The following TAFA5 variants were observed in gnomAD, a reference collection of about 807,000 sequenced individuals.
TAFA5 encodes the protein chemokine-like protein TAFA-5.
In TAFA5, 6 loss-of-function variants were observed where a neutral mutation model predicts 15.3. The ratio of observed to expected loss-of-function variants is 0.39; its 90% CI spans 0.21 to 0.77. TAFA5 has a LOEUF of 0.77. Among genes scored for constraint, TAFA5 ranks in the 30% least tolerant of loss-of-function variants. TAFA5 has a pLI of 0.41. For synonymous variants in TAFA5, 103 were observed against 80.7 expected (o/e 1.28, Z -1.48); for missense variants, 161 against 193.1 (o/e 0.83, Z 0.98).
rs1020086787 is a variant in TAFA5 at position 48,560,734 on chromosome 22, G to A, written c.112+71030G>A. Reference sequence around the variant, plus strand: ...AGCAATTCTCCCGCCTCAGCTTCCTGAGTAGCTGGGATTACAGGTGCTCAA... The same window carrying A: ...AGCAATTCTCCCGCCTCAGCTTCCTAAGTAGCTGGGATTACAGGTGCTCAA... On this transcript the variant is annotated intron_variant, in intron 1 of 3. Coordinates refer to ENST00000402357, the MANE Select transcript of TAFA5 (RefSeq NM_001082967.3). This position sits in a 1 kb window ranked among gnomAD's most constrained non-coding sequence, Gnocchi z 4.2. Among the ~76,000 whole-genome samples, 1 of 152,008 alleles carries A rather than the reference G, an allele frequency of 6.6e-6. No homozygotes were observed. Among genetic ancestry groups the A allele is most frequent in the Admixed American group, 6.6e-5 (1 of 15,256 alleles).
chr22:48,746,782 A>G (rs1930340580), intron 3 of TAFA5, among the ~76,000 whole-genome samples: 1 of 152,172 alleles, frequency 6.6e-6, no homozygotes, highest in Admixed American at 6.5e-5. Flanking sequence ...GTCACCTGTC[A>G]TCAGGGTGGA....
At chr22:48,579,654 A>G (rs1442352519) in intron 1 of TAFA5, among the ~76,000 whole-genome samples, 3 of 152,256 alleles carry the variant, frequency 2.0e-5, no homozygotes, top group Non-Finnish European at 4.4e-5. Flanking sequence ...TCCCTCTTCC[A>G]AAGACTTTAC....
intron 1 of TAFA5, among the ~76,000 whole-genome samples, chr22:48,496,999 G>A (rs868707977): frequency 1.3e-5 from 2 of 152,216 alleles, no homozygotes; most frequent in Non-Finnish European, 2.9e-5. Flanking sequence ...GGAGCTGCTG[G>A]ACTGGAGGCC....
chr22:48,614,008 G>C (rs1434696149), intron 1 of TAFA5, among the ~76,000 whole-genome samples: 1 of 152,188 alleles, frequency 6.6e-6, no homozygotes, highest in Non-Finnish European at 1.5e-5. Context: ...AGCCGCTCGC[G>C]AGCATGTGGG....
chr22:48,683,398 T>C (rs1167065854), intron 2 of TAFA5, among the ~76,000 whole-genome samples: 1 of 152,172 alleles, frequency 6.6e-6, no homozygotes, highest in Non-Finnish European at 1.5e-5. Context: ...TTCATCAGCC[T>C]AACAGCCCAG....
chr22:48,579,352 T>C (rs974557853), intron 1 of TAFA5, among the ~76,000 whole-genome samples: 1 of 152,216 alleles, frequency 6.6e-6, no homozygotes, highest in African/African-American at 2.4e-5. Context: ...GCTGCTCTTC[T>C]TGCCTTGTCA....
At chr22:48,568,194 G>A (rs1471224681) in intron 1 of TAFA5, among the ~76,000 whole-genome samples, 1 of 152,274 alleles carries the variant, frequency 6.6e-6, no homozygotes, top group Non-Finnish European at 1.5e-5. Context: ...GGCCCAGCTG[G>A]TCAGCGAGAG....
intron 3 of TAFA5, among the ~76,000 whole-genome samples, chr22:48,709,581 C>T (rs781526465): frequency 2.6e-5 from 4 of 152,242 alleles, no homozygotes; most frequent in Non-Finnish European, 5.9e-5. Context: ...GAAAGCCACT[C>T]TGGGTCCCAG....
intron 3 of TAFA5, among the ~76,000 whole-genome samples, chr22:48,749,379 T>C (rs1193904913): frequency 6.6e-6 from 1 of 151,928 alleles, no homozygotes; most frequent in Non-Finnish European, 1.5e-5. Context: ...GGTGGCTCCG[T>C]GGTGGGGGTG....
At chr22:48,578,335 G>A (rs770636179) in intron 1 of TAFA5, among the ~76,000 whole-genome samples, 2 of 152,204 alleles carry the variant, frequency 1.3e-5, no homozygotes, top group African/African-American at 2.4e-5. Flanking sequence ...CTCGCCCTGC[G>A]GCGCTGCCCC....
At chr22:48,542,530 G>GTGCA (rs1922467953) in intron 1 of TAFA5, among the ~76,000 whole-genome samples, 1 of 106,056 alleles carries the variant, frequency 9.4e-6, no homozygotes, top group Non-Finnish European at 1.9e-5. Context: ...TGCATGTGTG[G>GTGCA]TGTGTGGTGT....
At chr22:48,669,589 C>T (rs1005088364) in intron 2 of TAFA5, among the ~76,000 whole-genome samples, 3 of 152,336 alleles carry the variant, frequency 2.0e-5, no homozygotes, top group African/African-American at 7.2e-5. Flanking sequence ...CAGCAGGGTC[C>T]TTGGAATAAT....
chr22:48,666,815 G>A (rs942556987), intron 2 of TAFA5, among the ~76,000 whole-genome samples: 2 of 152,336 alleles, frequency 1.3e-5, no homozygotes, highest in Admixed American at 1.3e-4. Context: ...GGCACCGCAT[G>A]TCTGCTGTGT....
chr22:48,657,370 A>G (rs961737728), intron 2 of TAFA5, among the ~76,000 whole-genome samples: 2 of 152,248 alleles, frequency 1.3e-5, no homozygotes, highest in African/African-American at 4.8e-5. Context: ...TTAAGTAAAA[A>G]CAAGGAATGA....
intron 1 of TAFA5, among the ~76,000 whole-genome samples, chr22:48,509,156 G>A (rs530286060): frequency 4.1e-4 from 63 of 152,250 alleles, no homozygotes; most frequent in African/African-American, 1.3e-3. Context: ...CCTTCTTTAC[G>A]GCTGAATACT....
intron 2 of TAFA5, among the ~76,000 whole-genome samples, chr22:48,655,653 G>A (rs1374187733): frequency 1.3e-5 from 2 of 152,054 alleles, no homozygotes; most frequent in East Asian, 3.9e-4. Flanking sequence ...TTTCCAACAC[G>A]TGAATTTAGG....
At chr22:48,681,026 C>T (rs1022908206) in intron 2 of TAFA5, among the ~76,000 whole-genome samples, 1 of 152,236 alleles carries the variant, frequency 6.6e-6, no homozygotes, top group Admixed American at 6.5e-5. Flanking sequence ...AAATTCTGAG[C>T]ATCCATTTTG....
chr22:48,617,171 G>A (rs1925639248), intron 1 of TAFA5, among the ~76,000 whole-genome samples: 1 of 149,900 alleles, frequency 6.7e-6, no homozygotes, highest in South Asian at 2.1e-4. Flanking sequence ...TAAGGATCTT[G>A]AGATGGGGGC....
chr22:48,708,468 G>A (rs981596657), intron 3 of TAFA5, among the ~76,000 whole-genome samples: 10 of 152,206 alleles, frequency 6.6e-5, no homozygotes, highest in Non-Finnish European at 7.3e-5. Flanking sequence ...GGGGAACGCC[G>A]GGTGGACATG....
Sources: gnomAD v4.1 joint callset for allele counts (sites outside exome capture counted in the v4.1 genomes callset) on GRCh38, gnomAD v4.1.1 for gene constraint, Gnocchi (gnomAD v3.1) non-coding constraint, MANE v1.5 for transcripts, NCBI Gene and HGNC (gene_info 2026-07-23, HGNC 2026-07-21) for gene names.